The following CRYBG3 variants were observed in gnomAD, a reference collection of about 807,000 sequenced individuals.
CRYBG3 encodes crystallin beta-gamma domain containing 3, also known as very large A-kinase anchor protein.
In CRYBG3, 127 loss-of-function variants were observed where a neutral mutation model predicts 244.2. The ratio of observed to expected loss-of-function variants is 0.52; its 90% CI spans 0.45 to 0.60. CRYBG3 has a LOEUF of 0.60. CRYBG3 is among the 20% of genes least tolerant of loss of function. The probability of loss-of-function intolerance (pLI) is 0.00; values close to 1 mark genes in which losing one functional copy is unlikely to be tolerated. For missense variants in CRYBG3, 3,325 were observed against 3,442.5 expected (o/e 0.97, Z 0.85); for synonymous variants, 1,132 against 1,195.8 (o/e 0.95, Z 1.10).
intron 16 of CRYBG3, among the ~76,000 whole-genome samples, chr3:97,915,146 C>T (rs779084672): frequency 1.8e-4 from 27 of 152,218 alleles, no homozygotes; most frequent in African/African-American, 5.3e-4. Context: ...CCAAAAAGAA[C>T]TTATAATCTG....
At chr3:97,928,876 A>G (rs831905) in intron 17 of CRYBG3, among the ~76,000 whole-genome samples, 112,202 of 151,866 alleles carry the variant, frequency 0.74, 42,590 homozygotes, top group East Asian at 0.85. Context: ...AAGGTATTGC[A>G]CATATATATC....
chr3:97,873,700 A>G lies in CRYBG3; in HGVS notation c.2506A>G (p.Ile836Val), dbSNP rs779193511. Residue 836 changes from isoleucine (I) to valine (V), a missense_variant, in exon 4 of 22, where the codon ATA becomes GTA. Ile to Val is a conservative substitution (Grantham distance 29, BLOSUM62 3). Coordinates refer to ENST00000389622, the MANE Select transcript of CRYBG3 (RefSeq NM_153605.4). Reference protein sequence around the residue: ...VESHSGRGKTISLSKVSLSKV... With the variant: ...VESHSGRGKTVSLSKVSLSKV... ...GTCACATTCTGGAAGAGGAAAAACT[A>G]TATCCTTGTCCAAGGTATCTCTTTC... The G allele has an allele frequency of 7.4e-5, 114 of 1,535,800 alleles. No homozygotes were observed. The highest frequency in any genetic ancestry group is 2.9e-5 in the Non-Finnish European group (33 of 1,146,814).
At chr3:97,856,317 G>C (rs1018807673) in intron 2 of CRYBG3, among the ~76,000 whole-genome samples, 2 of 152,080 alleles carry the variant, frequency 1.3e-5, no homozygotes, top group South Asian at 2.1e-4. Context: ...AAGGTGCCCA[G>C]ATTTCATATT....
intron 3 of CRYBG3, among the ~76,000 whole-genome samples, chr3:97,868,856 T>C (rs920198844): frequency 6.6e-6 from 1 of 152,188 alleles, no homozygotes; most frequent in Non-Finnish European, 1.5e-5. Flanking sequence ...TTTACTATAC[T>C]AGAATGAATT....
intron 11 of CRYBG3, 35 bp downstream of exon 11, chr3:97,893,028 T>C: frequency 6.4e-7 from 1 of 1,573,924 alleles, no homozygotes; most frequent in Non-Finnish European, 8.6e-7. Context: ...GCACAAGTAG[T>C]CTGTTTTTGA....
At chr3:97,889,252 C>A in intron 9 of CRYBG3, 103 bp from the exon 10 acceptor site, 3 of 900,394 alleles carry the variant, frequency 3.3e-6, no homozygotes, top group Non-Finnish European at 5.3e-6. Context: ...GTAATCTTCA[C>A]TGGTTAGATT....
rs1175657460 is a variant in CRYBG3, at chr3:97,877,382, A to T, written c.6188A>T (p.Asp2063Val). Residue 2063 changes from aspartate to valine, a missense_variant, in exon 4 of 22, where the codon GAT becomes GTT. By Grantham distance (152) the Asp-to-Val change is radical. This residue lies in a region of CRYBG3 where 450 missense variants were observed against 424.1 expected (regional missense o/e 1.06). Coordinates refer to ENST00000389622, the MANE Select transcript of CRYBG3 (RefSeq NM_153605.4). ...EKGTKLGETF[D>V]SDSSEMFLSV... ...GGTACTAAATTAGGTGAGACATTTG[A>T]TAGTGATAGTTCAGAAATGTTCTTA... is the stretch of plus-strand genomic sequence containing the variant. The T allele has an allele frequency of 1.2e-6, 2 of 1,614,018 alleles. No individual in the cohort carries two copies. The highest frequency in any genetic ancestry group is 2.7e-5 in the African/African-American group (2 of 74,934).
chr3:97,885,072 A>G (rs2039492642), intron 7 of CRYBG3, among the ~76,000 whole-genome samples: 1 of 152,178 alleles, frequency 6.6e-6, no homozygotes, highest in Non-Finnish European at 1.5e-5. Flanking sequence ...TATTATTAAT[A>G]GCATACAAAA....
chr3:97,938,074 C>T (rs746254766), intron 19 of CRYBG3, among the ~76,000 whole-genome samples: 2 of 152,042 alleles, frequency 1.3e-5, no homozygotes, highest in East Asian at 3.9e-4. Flanking sequence ...GGTGTGATGG[C>T]CCGTGGATAT....
At chr3:97,830,128 A>C (rs1416823090) in intron 1 of CRYBG3, among the ~76,000 whole-genome samples, 1 of 152,198 alleles carries the variant, frequency 6.6e-6, no homozygotes, top group Non-Finnish European at 1.5e-5. Flanking sequence ...GATTTCTATG[A>C]ATATTTAGCT....
rs1438567101 is a variant in CRYBG3, at chr3:97,839,378, A to G, written c.150-3817A>G. The stretch of plus-strand genomic sequence containing the variant: ...TCACTGTTTTTGAGTATATGTAGCT[A>G]CTGTGTTCTCATTTTTTAATGTTTT... On this transcript the variant is annotated intron_variant, in intron 1 of 21. Transcript: ENST00000389622. Among the ~76,000 whole-genome samples the G allele has an allele frequency of 2.0e-5, 3 of 152,154 alleles. 1 individual carries two copies. Among genetic ancestry groups the G allele is most frequent in the East Asian group, 3.9e-4 (2 of 5,174 alleles).
Position 97,916,888 on chromosome 3 carries a change from T to TA in CRYBG3, c.8241+1160dup, listed in dbSNP as rs572372174. Among the ~76,000 whole-genome samples, 16 of 152,068 alleles carry TA rather than the reference T, an allele frequency of 1.1e-4. No homozygotes were observed. In the East Asian group the frequency reaches 2.1e-3, roughly 20 times the overall value. On this transcript the variant is annotated intron_variant, in intron 17 of 21. Coordinates refer to ENST00000389622, the MANE Select transcript of CRYBG3 (RefSeq NM_153605.4). ...CTTGTCTGTTGGAGGAAAAATGGTT[T>TA]AAAAAAAATAATGTGATCTGGCAAG... is the stretch of plus-strand genomic sequence containing the variant.
At chr3:97,832,129 G>T (rs180680043) in intron 1 of CRYBG3, among the ~76,000 whole-genome samples, 8 of 150,146 alleles carry the variant, frequency 5.3e-5, no homozygotes, top group Non-Finnish European at 8.8e-5. Flanking sequence ...TGGCCATACT[G>T]ACCAAAGTAA....
intron 3 of CRYBG3, among the ~76,000 whole-genome samples, chr3:97,869,991 T>A (rs1311291022): frequency 6.6e-6 from 1 of 152,184 alleles, no homozygotes; most frequent in Non-Finnish European, 1.5e-5. Flanking sequence ...ATAAAATGTA[T>A]TTTTTAGGTA....
In CRYBG3 at chr3:97,864,260, T is replaced by A; in HGVS notation, c.260T>A (p.Val87Asp). Reference protein sequence around the residue: ...EDKRNHAEKPVTLPVQEDPKK... With the variant: ...EDKRNHAEKPDTLPVQEDPKK... Reference sequence around the variant, plus strand: ...AAAAGGAACCATGCTGAGAAGCCAGTCACTCTTCCAGTGCAGGAAGATCCC... The same window carrying A: ...AAAAGGAACCATGCTGAGAAGCCAGACACTCTTCCAGTGCAGGAAGATCCC... The change falls in exon 3 of 22, where the codon GTC (valine) becomes GAC (aspartate). Residue 87 changes from valine to aspartate, a missense_variant. Val to Asp is a radical substitution (Grantham distance 152, BLOSUM62 -3). This residue lies in a region of CRYBG3 where 1,526 missense variants were observed against 1,443.2 expected (regional missense o/e 1.06). Transcript: ENST00000389622. 6.6e-7 allele frequency: 1 copy of A among 1,523,998 alleles called. No homozygotes were observed. The highest frequency in any genetic ancestry group is 8.7e-7 in the Non-Finnish European group (1 of 1,143,096). The allele number at this position is 1,523,998 out of a possible 1,614,324, so 94.4% of individuals were successfully genotyped here.
At chr3:97,869,978 G>A in intron 3 of CRYBG3, among the ~76,000 whole-genome samples, 1 of 152,010 alleles carries the variant, frequency 6.6e-6, no homozygotes, top group East Asian at 1.9e-4. Context: ...TTTAAAGTTG[G>A]CAATAAAATG....
intron 19 of CRYBG3, among the ~76,000 whole-genome samples, chr3:97,939,302 T>C (rs2040200256): frequency 6.6e-6 from 1 of 152,092 alleles, no homozygotes; most frequent in Non-Finnish European, 1.5e-5. Context: ...AGATTATTTT[T>C]CCTTTTGTTT....
intron 3 of CRYBG3, among the ~76,000 whole-genome samples, chr3:97,870,288 T>C (rs1350835939): frequency 6.6e-6 from 1 of 152,170 alleles, no homozygotes; most frequent in Non-Finnish European, 1.5e-5. Context: ...GTCCTCACCC[T>C]CTTCCCATCC....
chr3:97,886,364 T>C (rs1303402464), intron 7 of CRYBG3, among the ~76,000 whole-genome samples: 4 of 152,150 alleles, frequency 2.6e-5, no homozygotes, highest in African/African-American at 9.7e-5. Flanking sequence ...AAGCATTGCT[T>C]AATGGAACGA....
Sources: allele counts gnomAD v4.1 joint callset (sites outside exome capture counted in the v4.1 genomes callset), GRCh38; gene constraint gnomAD v4.1.1; regional missense constraint gnomAD v4.1.1; transcripts MANE v1.5; gene names NCBI Gene and HGNC (gene_info 2026-07-23, HGNC 2026-07-21).